Variants in EIF3E observed in about 807,000 individuals in gnomAD.
The protein encoded by EIF3E is eIF-3 p48.
In EIF3E, 25 loss-of-function variants were observed where a neutral mutation model predicts 59.3. The ratio of observed to expected loss-of-function variants is 0.42; its 90% confidence interval spans 0.31 to 0.59. EIF3E has a LOEUF of 0.59. Ranked by LOEUF, EIF3E falls within the 20% of genes least tolerant of loss-of-function variation. The probability of loss-of-function intolerance (pLI) is 0.15; values close to 1 mark genes in which losing one functional copy is unlikely to be tolerated. For synonymous variants in EIF3E, 176 were observed against 170.2 expected (o/e 1.03, Z -0.26); for missense variants, 317 against 534.3 (o/e 0.59, Z 4.01).
intron 1 of EIF3E, chr8:108,242,823 T>C (rs752025859): frequency 1.9e-5 from 5 of 265,282 alleles, no homozygotes; most frequent in South Asian, 1.3e-4. Context: ...CATAAGGAAA[T>C]GCATACTAAA....
intron 8 of EIF3E, 49 bp downstream of exon 8, chr8:108,217,285 T>G (rs1032729451): frequency 7.1e-7 from 1 of 1,403,322 alleles, no homozygotes; most frequent in African/African-American, 1.6e-5. Context: ...AGGTTAGACC[T>G]AAAGCTTAGG....
chr8:108,234,420 G>A (rs1449745604), intron 5 of EIF3E: 1 of 152,082 alleles, frequency 6.6e-6, no homozygotes, highest in Non-Finnish European at 1.5e-5. Context: ...TACGGTAATA[G>A]GATACTTCAT....
rs772462382 is a variant in EIF3E, at chr8:108,201,763, C to T, written c.*122G>A. Reference sequence around the variant, plus strand: ...CAAGATAAAATGAATCAATTTTATTCCAATTCTTCAAAATTTATACGTAAT... The same window carrying T: ...CAAGATAAAATGAATCAATTTTATTTCAATTCTTCAAAATTTATACGTAAT... On this transcript the variant is annotated 3_prime_UTR_variant, in exon 13 of 13. Transcript: ENST00000220849. 30 of 816,732 alleles carry T rather than the reference C, an allele frequency of 3.7e-5. No homozygotes were observed. The highest frequency in any genetic ancestry group is 5.0e-5 in the Non-Finnish European group (29 of 582,980). 50.6% of individuals were successfully genotyped at this position (816,732 alleles called of 1,614,324 possible).
At chr8:108,239,348 A>C (rs766848142) in intron 3 of EIF3E, among the ~76,000 whole-genome samples, 2 of 151,972 alleles carry the variant, frequency 1.3e-5, no homozygotes, top group Non-Finnish European at 2.9e-5. Flanking sequence ...ACACCACCAC[A>C]CCTGGCTAAC....
chr8:108,228,109 C>T (rs913776787), intron 7 of EIF3E, 158 bp downstream of exon 7: 37 of 734,010 alleles, frequency 5.0e-5, no homozygotes, highest in Middle Eastern at 8.4e-4. Context: ...TTAAGAGTCA[C>T]ATGCATACTT....
rs574287374 is a variant in EIF3E at position 108,223,569 on chromosome 8, ACT to A, written c.722+4696_722+4697del. Among the ~76,000 whole-genome samples, 583 of 152,296 alleles carry A rather than the reference ACT, an allele frequency of 3.8e-3. 7 individuals carry two copies. Among genetic ancestry groups the A allele is most frequent in the Non-Finnish European group, 2.3e-3 (158 of 68,028 alleles). On this transcript the variant is annotated intron_variant, in intron 7 of 12. Transcript: ENST00000220849. ...ATTATTTTTATTGAGAAAACAAAAT[ACT>A]CTTTTACTAACTGAACTTTGCATCT...
intron 5 of EIF3E, among the ~76,000 whole-genome samples, chr8:108,231,044 G>A (rs192299404): frequency 1.2e-4 from 19 of 152,042 alleles, no homozygotes; most frequent in African/African-American, 4.6e-4. Context: ...AGAACAAAAA[G>A]GGTCTTTCTG....
chr8:108,204,784 G>T (rs868709815), intron 10 of EIF3E, among the ~76,000 whole-genome samples: 71 of 130,536 alleles, frequency 5.4e-4, no homozygotes, highest in African/African-American at 2.2e-3. Context: ...GAGAGAGACA[G>T]AGAGAGAGAG....
chr8:108,247,296 T>TC (rs1563640171), intron 1 of EIF3E, among the ~76,000 whole-genome samples: 1 of 152,194 alleles, frequency 6.6e-6, no homozygotes, highest in East Asian at 1.9e-4. Flanking sequence ...CAGAAGTACT[T>TC]CTACAAGCAG....
chr8:108,243,272 A>T (rs1405074659), intron 1 of EIF3E: 1 of 152,214 alleles, frequency 6.6e-6, no homozygotes, highest in Non-Finnish European at 1.5e-5. Flanking sequence ...AGGCAAAATG[A>T]ATCATCAGAC....
At chr8:108,201,951 C>A in intron 12 of EIF3E, 28 bp from the exon 13 acceptor site, 1 of 1,545,336 alleles carries the variant, frequency 6.5e-7, no homozygotes, top group Non-Finnish European at 8.7e-7. Flanking sequence ...AAATCAACAC[C>A]GTGAAAAGAA....
chr8:108,231,764 T>C (rs1007455676), intron 5 of EIF3E: 3 of 152,140 alleles, frequency 2.0e-5, no homozygotes, highest in African/African-American at 7.2e-5. Flanking sequence ...AACACATTTC[T>C]TGGAGTATAA....
At chr8:108,221,328 A>G (rs1381753057) in intron 7 of EIF3E, among the ~76,000 whole-genome samples, 1 of 152,110 alleles carries the variant, frequency 6.6e-6, no homozygotes, top group East Asian at 1.9e-4. Flanking sequence ...TTGATGCCTC[A>G]CTTTCATTAA....
rs61730654 is a variant in EIF3E at position 108,203,431 on chromosome 8, T to C, written c.1134A>G (p.Ala378=). 231 of 1,612,422 alleles carry C rather than the reference T, an allele frequency of 1.4e-4. 1 individual carries two copies. In the South Asian group the frequency reaches 2.4e-3, roughly 16 times the overall value. The part of the protein sequence containing the change: ...ERWIVNLIRN[A]RLDAKIDSKL... Reference sequence around the variant, plus strand: ...TAGAATCAATCTTGGCATCCAGTCTTGCATTTCTAATCAAATTTACAATCC... The same window carrying C: ...TAGAATCAATCTTGGCATCCAGTCTCGCATTTCTAATCAAATTTACAATCC... The change falls in exon 11 of 13, where the codon GCA becomes GCG. Residue 378 remains alanine (A), a synonymous_variant. Coordinates refer to ENST00000220849, the MANE Select transcript of EIF3E (RefSeq NM_001568.3).
chr8:108,232,739 A>G (rs1441379237), intron 5 of EIF3E, among the ~76,000 whole-genome samples: 3 of 152,216 alleles, frequency 2.0e-5, no homozygotes, highest in Admixed American at 6.5e-5. Flanking sequence ...CCATGTCATT[A>G]CAGTTGGCTC....
Position 108,201,794 on chromosome 8 carries a change from G to T in EIF3E, c.*91C>A. The T allele has an allele frequency of 9.3e-7, 1 of 1,077,742 alleles. No homozygotes were observed. Among genetic ancestry groups the T allele is most frequent in the Non-Finnish European group, 1.2e-6 (1 of 806,844 alleles). The allele number at this position is 1,077,742 out of a possible 1,614,324, so 66.8% of individuals were successfully genotyped here. A position where few individuals can be genotyped will look rare whatever the true frequency, so the allele number is the denominator to read the frequency against. Reference sequence around the variant, plus strand: ...CTTCAAAATTTATACGTAATATGTTGTTTCCAAAATGTAAGTCACCCTTTA... The same window carrying T: ...CTTCAAAATTTATACGTAATATGTTTTTTCCAAAATGTAAGTCACCCTTTA... On this transcript the variant is annotated 3_prime_UTR_variant, in exon 13 of 13. Transcript: ENST00000220849.
intron 1 of EIF3E, among the ~76,000 whole-genome samples, chr8:108,245,958 T>C (rs1044101269): frequency 1.3e-5 from 2 of 152,192 alleles, no homozygotes; most frequent in Non-Finnish European, 2.9e-5. Context: ...GGCTGCTGCC[T>C]GAAACTGCAG....
intron 10 of EIF3E, among the ~76,000 whole-genome samples, chr8:108,204,350 C>T (rs1429339887): frequency 1.3e-5 from 2 of 151,914 alleles, no homozygotes; most frequent in Non-Finnish European, 2.9e-5. Flanking sequence ...ATATATAAAC[C>T]ATGGAATACT....
chr8:108,243,481 T>C (rs1258901291), intron 1 of EIF3E: 3 of 151,512 alleles, frequency 2.0e-5, no homozygotes, highest in African/African-American at 7.3e-5. Context: ...TACAAAAAAT[T>C]AGCCGGGCGT....
Sources: gnomAD v4.1 joint callset for allele counts (sites outside exome capture counted in the v4.1 genomes callset) on GRCh38, gnomAD v4.1.1 for gene constraint, MANE v1.5 for transcripts, NCBI Gene and HGNC (gene_info 2026-07-23, HGNC 2026-07-21) for gene names.